Variants in ATF6 observed in about 807,000 individuals in gnomAD.
ATF6 encodes activating transcription factor 6, also known as cyclic AMP-dependent transcription factor ATF-6 alpha.
Under a neutral mutation model 83.6 loss-of-function variants are expected in ATF6, and 53 were observed. That is an observed-to-expected ratio of 0.63 (90% CI 0.51 to 0.80). The LOEUF (loss-of-function observed/expected upper bound fraction) is 0.80. Ranked by LOEUF, ATF6 falls within the 30% of genes least tolerant of loss-of-function variation. The pLI is 0.00. For synonymous variants in ATF6, 288 were observed against 285.8 expected, an observed-to-expected ratio of 1.01 and a Z score of -0.08; for missense variants, 744 against 797.9, an observed-to-expected ratio of 0.93 and a Z score of 0.81.
intron 1 of ATF6, among the ~76,000 whole-genome samples, chr1:161,771,416 C>T (rs1410356885): frequency 2.0e-5 from 3 of 152,268 alleles, no homozygotes; most frequent in Middle Eastern, 3.4e-3. Flanking sequence ...CGTAATGCCC[C>T]GGTGAACGGT....
chr1:161,894,521 CTTTTTTTTTTTTTTTTTTT>C lies in ATF6; in HGVS notation c.1720-17760_1720-17742del, dbSNP rs71093131. Among the ~76,000 whole-genome samples the C allele has an allele frequency of 6.5e-4, 29 of 44,868 alleles. 1 individual carries two copies. The South Asian group carries it at 0.034, about 53-fold the overall frequency. The allele number at this position is 44,868 out of a possible 152,430, so 29.4% of individuals were successfully genotyped here. A position where few individuals can be genotyped will look rare whatever the true frequency, so the allele number is the denominator to read the frequency against. Reference sequence around the variant, plus strand: ...TTAGAGGCAACATTTGTTTTGTAGTCTTTTTTTTTTTTTTTTTTTTTTTTTTTTTTTTTGAGACAGAGTT... The same window carrying C: ...TTAGAGGCAACATTTGTTTTGTAGTCTTTTTTTTTTTTTTGAGACAGAGTT... On this transcript the variant is annotated intron_variant, in intron 14 of 15. Transcript: ENST00000367942.
intron 6 of ATF6, among the ~76,000 whole-genome samples, chr1:161,793,490 T>C (rs918917100): frequency 1.3e-5 from 2 of 152,238 alleles, no homozygotes; most frequent in African/African-American, 4.8e-5. Context: ...TGAAACAAAA[T>C]GCAGGATTTA....
rs1322896918 is a variant in ATF6 at position 161,920,292 on chromosome 1, C to CTTTTT, written c.1804+7913_1804+7914insTTTTT. 8.1e-3 allele frequency among the ~76,000 whole-genome samples: 159 copies of CTTTTT among 19,724 alleles called. 1 individual carries two copies. The highest frequency in any genetic ancestry group is 0.028 in the African/African-American group (153 of 5,530). The allele number at this position is 19,724 out of a possible 152,430, so 12.9% of individuals were successfully genotyped here. On this transcript the variant is annotated intron_variant, in intron 15 of 15. Transcript: ENST00000367942. ...CATAGTTCTCTTTCTCTCTCTCTCT[C>CTTTTT]TCTTTTTTTTTTTTTTTTTTGAGAC...
intron 15 of ATF6, among the ~76,000 whole-genome samples, chr1:161,948,518 A>T (rs12402354): frequency 0.089 from 13,552 of 152,204 alleles, 1,274 homozygotes; most frequent in East Asian, 0.33. Flanking sequence ...GCAAGACTTT[A>T]AAAAAATCCT....
At chr1:161,958,062 T>C (rs1162032926) in intron 15 of ATF6, among the ~76,000 whole-genome samples, 1 of 152,214 alleles carries the variant, frequency 6.6e-6, no homozygotes, top group African/African-American at 2.4e-5. Context: ...GGAGGAGGAC[T>C]TAGGGATTCT....
At chr1:161,953,937 G>A in intron 15 of ATF6, among the ~76,000 whole-genome samples, 1 of 152,104 alleles carries the variant, frequency 6.6e-6, no homozygotes, top group East Asian at 1.9e-4. Flanking sequence ...TGGTTATAAG[G>A]GAAAAGATCA....
intron 14 of ATF6, among the ~76,000 whole-genome samples, chr1:161,879,347 G>A (rs1407004342): frequency 1.3e-5 from 2 of 152,076 alleles, no homozygotes; most frequent in Admixed American, 6.6e-5. Context: ...GCCTTGGTGG[G>A]GTGTCAGTAT....
At chr1:161,848,428 A>T (rs539831664) in intron 10 of ATF6, among the ~76,000 whole-genome samples, 33 of 152,172 alleles carry the variant, frequency 2.2e-4, no homozygotes, top group Non-Finnish European at 3.7e-4. Context: ...GAGCTATGAG[A>T]CATGGTTCAA....
In ATF6 at chr1:161,792,419, T is replaced by G; in HGVS notation, c.688+92T>G. On this transcript the variant is annotated intron_variant, in intron 6 of 15. Transcript: ENST00000367942. Reference sequence around the variant, plus strand: ...TTGTTTTAATTCAGGTTATAATTTCTGAGCACGTGCTGTTTGTCAGGAATG... The same window carrying G: ...TTGTTTTAATTCAGGTTATAATTTCGGAGCACGTGCTGTTTGTCAGGAATG... 2.4e-6 allele frequency: 3 copies of G among 1,229,946 alleles called. No individual in the cohort carries two copies. The South Asian group carries it at 4.1e-5, about 17-fold the overall frequency. 76.2% of individuals were successfully genotyped at this position (1,229,946 alleles called of 1,614,324 possible).
At chr1:161,894,122 G>A (rs1446100501) in intron 14 of ATF6, among the ~76,000 whole-genome samples, 4 of 151,804 alleles carry the variant, frequency 2.6e-5, no homozygotes, top group Admixed American at 6.6e-5. Flanking sequence ...TTAGGAACTG[G>A]TGTTACAATA....
intron 15 of ATF6, among the ~76,000 whole-genome samples, chr1:161,955,728 C>T (rs1688954707): frequency 6.6e-6 from 1 of 152,134 alleles, no homozygotes; most frequent in Admixed American, 6.5e-5. Context: ...GGCATGTTAC[C>T]CCAAATGCTG....
Position 161,881,605 on chromosome 1 carries a change from G to A in ATF6, c.1719+18293G>A, listed in dbSNP as rs545928700. Among the ~76,000 whole-genome samples the A allele has an allele frequency of 2.0e-5, 3 of 152,204 alleles. No individual in the cohort carries two copies. The South Asian group carries it at 6.2e-4, about 32-fold the overall frequency. On this transcript the variant is annotated intron_variant, in intron 14 of 15. Coordinates refer to ENST00000367942, the MANE Select transcript of ATF6 (RefSeq NM_007348.4). ...GAGCTTCCATACCCTCTCCAAGTAGGCTACCTTCCAGGCACCTCCTCATGT... is the reference window on the plus strand; with the variant it reads ...GAGCTTCCATACCCTCTCCAAGTAGACTACCTTCCAGGCACCTCCTCATGT...
At chr1:161,770,623 C>T (rs1359289260) in intron 1 of ATF6, among the ~76,000 whole-genome samples, 2 of 152,164 alleles carry the variant, frequency 1.3e-5, no homozygotes, top group African/African-American at 4.8e-5. Flanking sequence ...CTCCTAAAGA[C>T]TGTATCTCTC....
At chr1:161,840,762 A>G (rs970665721) in intron 9 of ATF6, among the ~76,000 whole-genome samples, 1 of 152,186 alleles carries the variant, frequency 6.6e-6, no homozygotes, top group East Asian at 1.9e-4. Flanking sequence ...TTCAGGACCA[A>G]TGGCCCATAA....
chr1:161,932,925 A>C (rs1448324086), intron 15 of ATF6, among the ~76,000 whole-genome samples: 8 of 152,186 alleles, frequency 5.3e-5, no homozygotes, highest in Non-Finnish European at 1.2e-4. Flanking sequence ...GTTCCTTGCC[A>C]TATGCGCCTC....
At position 161,784,094 on chromosome 1, in the gene ATF6, C is replaced by T. The variant is rs1684695189; in HGVS notation, c.352C>T (p.Pro118Ser). 1.2e-6 allele frequency: 2 copies of T among 1,602,186 alleles called. No individual in the cohort carries two copies. Among genetic ancestry groups the T allele is most frequent in the East Asian group, 2.2e-5 (1 of 44,750 alleles). The change falls in exon 4 of 16, where the codon CCT (proline) becomes TCT (serine). Residue 118 changes from proline (P) to serine (S), a missense_variant and splice_region_variant. Pro to Ser is a moderately conservative substitution (Grantham distance 74). Coordinates refer to ENST00000367942, the MANE Select transcript of ATF6 (RefSeq NM_007348.4). ...VDSYSSTQHV[P>S]EELDLSSSSQ... ...CTCTTATTCTTCAACTCAGCATGTT[C>T]CTGTGAGTAGCCAGTCTTTTACAAT...
At chr1:161,804,950 A>G (rs1037102560) in intron 7 of ATF6, among the ~76,000 whole-genome samples, 1 of 152,086 alleles carries the variant, frequency 6.6e-6, no homozygotes, top group Non-Finnish European at 1.5e-5. Context: ...ATTAGAAGTT[A>G]AAAAATATAT....
chr1:161,832,438 G>A (rs769475237), intron 9 of ATF6, among the ~76,000 whole-genome samples: 4 of 152,168 alleles, frequency 2.6e-5, no homozygotes, highest in Admixed American at 6.5e-5. Context: ...CACCGTGCAT[G>A]AGCTGAAGCA....
intron 4 of ATF6, among the ~76,000 whole-genome samples, chr1:161,789,906 A>T (rs1684838747): frequency 6.6e-6 from 1 of 152,186 alleles, no homozygotes; most frequent in Admixed American, 6.5e-5. Context: ...TTACATGCTG[A>T]GTAGGTGTTA....
Sources: allele counts gnomAD v4.1 joint callset (sites outside exome capture counted in the v4.1 genomes callset), GRCh38; gene constraint gnomAD v4.1.1; transcripts MANE v1.5; gene names NCBI Gene and HGNC (gene_info 2026-07-23, HGNC 2026-07-21).